EPHA6: variants seen among roughly 807,000 people sequenced by gnomAD.
EPHA6 encodes the protein EPH receptor A6.
Under a neutral mutation model 112.0 loss-of-function variants are expected in EPHA6, and 50 were observed. The ratio of observed to expected loss-of-function variants is 0.45; its 90% CI spans 0.36 to 0.56. The LOEUF is 0.56. EPHA6 is among the 20% of genes least tolerant of loss of function. The pLI is 0.00. For missense variants in EPHA6, 1,280 were observed against 1,417.4 expected, an observed-to-expected ratio of 0.90 and a Z score of 1.56; for synonymous variants, 529 against 490.7, an observed-to-expected ratio of 1.08 and a Z score of -1.03.
At chr3:97,442,160 G>A (rs1427735516) in intron 6 of EPHA6, among the ~76,000 whole-genome samples, 2 of 152,132 alleles carry the variant, frequency 1.3e-5, no homozygotes, top group Non-Finnish European at 2.9e-5. Context: ...CTATTTTACA[G>A]AAGTGGTATA....
chr3:97,707,957 C>G (rs1359484649), intron 14 of EPHA6, among the ~76,000 whole-genome samples: 1 of 152,186 alleles, frequency 6.6e-6, no homozygotes, highest in African/African-American at 2.4e-5. Context: ...TCAATTAAAC[C>G]TCTTTTGTTT....
chr3:97,434,998 C>A (rs1478708399), intron 6 of EPHA6, among the ~76,000 whole-genome samples: 1 of 148,590 alleles, frequency 6.7e-6, no homozygotes, highest in Non-Finnish European at 1.5e-5. Flanking sequence ...ACCAGCCATA[C>A]ATCTTAGATT....
At chr3:97,214,179 C>A (rs2077966714) in intron 3 of EPHA6, among the ~76,000 whole-genome samples, 1 of 152,004 alleles carries the variant, frequency 6.6e-6, no homozygotes, top group South Asian at 2.1e-4. Context: ...GCTGGAATTC[C>A]AGGTGCCTGC....
intron 13 of EPHA6, among the ~76,000 whole-genome samples, chr3:97,614,704 C>T (rs528929037): frequency 4.6e-5 from 7 of 151,840 alleles, no homozygotes; most frequent in African/African-American, 1.7e-4. Context: ...GAAAGGGGGT[C>T]ATCTATAAAC....
chr3:97,438,843 C>T (rs1407744660), intron 6 of EPHA6, among the ~76,000 whole-genome samples: 1 of 152,132 alleles, frequency 6.6e-6, no homozygotes, highest in Non-Finnish European at 1.5e-5. Flanking sequence ...ACAAGCTTGA[C>T]CCTTTGATAT....
chr3:97,017,807 G>T (rs1231019989), intron 3 of EPHA6, among the ~76,000 whole-genome samples: 3 of 151,992 alleles, frequency 2.0e-5, no homozygotes, highest in Non-Finnish European at 2.9e-5. Context: ...TAACTTTATT[G>T]TATTTGGATA....
chr3:97,717,764 T>C (rs2107785685), intron 14 of EPHA6, among the ~76,000 whole-genome samples: 1 of 152,328 alleles, frequency 6.6e-6, no homozygotes. Context: ...TAATCAAATA[T>C]TCTGTAATAC....
At chr3:97,012,083 A>T (rs868113814) in intron 3 of EPHA6, among the ~76,000 whole-genome samples, 1 of 152,078 alleles carries the variant, frequency 6.6e-6, no homozygotes, top group Non-Finnish European at 1.5e-5. Context: ...GGTTGATTCA[A>T]TGTGTTTGAT....
At chr3:97,156,905 A>G (rs945532632) in intron 3 of EPHA6, among the ~76,000 whole-genome samples, 1 of 152,158 alleles carries the variant, frequency 6.6e-6, no homozygotes, top group Non-Finnish European at 1.5e-5. Context: ...AAGAATTTAT[A>G]TTAAATGAAA....
chr3:97,526,162 A>G (rs2092616866), intron 10 of EPHA6, among the ~76,000 whole-genome samples: 1 of 152,204 alleles, frequency 6.6e-6, no homozygotes, highest in Non-Finnish European at 1.5e-5. Flanking sequence ...AGGGCCATTT[A>G]AAGATCCACA....
chr3:97,339,225 A>G (rs2083195876), intron 5 of EPHA6, among the ~76,000 whole-genome samples: 2 of 152,188 alleles, frequency 1.3e-5, no homozygotes, highest in African/African-American at 2.4e-5. Flanking sequence ...GTGCAATTAT[A>G]TGAGGAGCAG....
chr3:97,252,241 A>G (rs1255794364), intron 5 of EPHA6, among the ~76,000 whole-genome samples: 1 of 151,982 alleles, frequency 6.6e-6, no homozygotes, highest in Non-Finnish European at 1.5e-5. Context: ...TGAGCAGAAA[A>G]ATGATGACAC....
At chr3:97,244,607 T>C (rs746741514) in intron 5 of EPHA6, 41 of 357,834 alleles carry the variant, frequency 1.1e-4, no homozygotes, top group Non-Finnish European at 1.7e-4. Flanking sequence ...ATCAATAAAA[T>C]GTTATTAAAT....
chr3:97,324,486 TTC>T (rs201532398), intron 5 of EPHA6, among the ~76,000 whole-genome samples: 2 of 145,060 alleles, frequency 1.4e-5, no homozygotes, highest in Non-Finnish European at 3.0e-5. Context: ...TTTCGTCTCT[TTC>T]TCTTTCTTTC....
intron 1 of EPHA6, 30 bp downstream of exon 1, chr3:96,815,038 G>A (rs746664331): frequency 6.1e-6 from 9 of 1,476,638 alleles, no homozygotes; most frequent in South Asian, 4.1e-5. Context: ...AGCGGGAGTG[G>A]GTGGGAGGAG....
intron 1 of EPHA6, among the ~76,000 whole-genome samples, chr3:96,828,265 ATT>A (rs1348459969): frequency 1.3e-5 from 2 of 152,152 alleles, no homozygotes; most frequent in African/African-American, 4.8e-5. Context: ...CAGGAATTTT[ATT>A]CCCATCTGAT....
At chr3:97,652,041 CT>C (rs1304275352) in intron 14 of EPHA6, among the ~76,000 whole-genome samples, 3 of 151,940 alleles carry the variant, frequency 2.0e-5, no homozygotes. Context: ...TTCTTCCTTT[CT>C]TTATGTCAAT....
At chr3:97,579,340 C>A (rs1164329671) in intron 11 of EPHA6, among the ~76,000 whole-genome samples, 1 of 152,168 alleles carries the variant, frequency 6.6e-6, no homozygotes, top group Non-Finnish European at 1.5e-5. Context: ...GGTATATATA[C>A]TCAGTTAAGA....
chr3:96,844,804 C>T (rs1056573341), intron 1 of EPHA6, among the ~76,000 whole-genome samples: 2 of 151,838 alleles, frequency 1.3e-5, no homozygotes, highest in Non-Finnish European at 2.9e-5. Flanking sequence ...GTGATCAAGA[C>T]AGATGTCAAG....
Sources: gnomAD v4.1 joint callset for allele counts (sites outside exome capture counted in the v4.1 genomes callset) on GRCh38, gnomAD v4.1.1 for gene constraint, MANE v1.5 for transcripts, NCBI Gene and HGNC (gene_info 2026-07-23, HGNC 2026-07-21) for gene names.